TSHZ3: variants seen among roughly 807,000 people sequenced by gnomAD.
The protein encoded by TSHZ3 is teashirt zinc finger homeobox 3.
Under a neutral mutation model 64.5 loss-of-function variants are expected in TSHZ3, and 10 were observed. The observed-to-expected ratio is 0.16, with a 90% CI of 0.10 to 0.26. TSHZ3 has a LOEUF of 0.26. Ranked by LOEUF, TSHZ3 falls within the 10% of genes least tolerant of loss-of-function variation. TSHZ3 has a pLI of 1.00. For missense variants in TSHZ3, 1,242 were observed against 1,421.7 expected (o/e 0.87, Z 2.03); for synonymous variants, 608 against 593.1 (o/e 1.03, Z -0.36).
At chr19:31,187,129 AC>A (rs1974823938) in intron 5 of TSHZ3, among the ~76,000 whole-genome samples, 3 of 152,232 alleles carry the variant, frequency 2.0e-5, no homozygotes, top group Middle Eastern at 3.4e-3. Context: ...CATTTGTGTC[AC>A]CCCAAATGAC....
At chr19:31,189,581 A>G (rs1401146321) in intron 5 of TSHZ3, among the ~76,000 whole-genome samples, 1 of 151,482 alleles carries the variant, frequency 6.6e-6, no homozygotes, top group Non-Finnish European at 1.5e-5. Flanking sequence ...TCCAATTTTA[A>G]TTTCATATTG....
At chr19:31,158,041 A>C (rs1043420563) in intron 5 of TSHZ3, among the ~76,000 whole-genome samples, 3 of 152,198 alleles carry the variant, frequency 2.0e-5, no homozygotes, top group African/African-American at 7.2e-5. Context: ...TAGACAAATA[A>C]ATAATTGGGA....
At chr19:31,168,354 G>C (rs79224630) in intron 5 of TSHZ3, among the ~76,000 whole-genome samples, 1 of 152,250 alleles carries the variant, frequency 6.6e-6, no homozygotes, top group East Asian at 1.9e-4. Flanking sequence ...GGCACACAGA[G>C]CACTGCATTA....
intron 1 of TSHZ3, among the ~76,000 whole-genome samples, chr19:31,298,450 G>A (rs1023503491): frequency 2.6e-5 from 4 of 151,614 alleles, no homozygotes; most frequent in African/African-American, 9.8e-5. Flanking sequence ...CCGACTTCAT[G>A]CTTGTTCTTT....
rs951800489 is a variant in TSHZ3, at chr19:31,336,284, AT to A, written c.40+12895del. Among the ~76,000 whole-genome samples, 17 of 152,030 alleles carry A rather than the reference AT, an allele frequency of 1.1e-4. No individual in the cohort carries two copies. In the East Asian group the frequency reaches 1.6e-3, roughly 14 times the overall value. On this transcript the variant is annotated intron_variant, in intron 1 of 1. Coordinates refer to ENST00000240587, the MANE Select transcript of TSHZ3 (RefSeq NM_020856.4). Reference sequence around the variant, plus strand: ...AGAACGAACTTCCTGAACTATGACAATTTTTTTTGAGGCTGAAAGGGGCACC... The same window carrying A: ...AGAACGAACTTCCTGAACTATGACAATTTTTTTGAGGCTGAAAGGGGCACC...
At chr19:31,302,424 T>G (rs909014363) in intron 1 of TSHZ3, among the ~76,000 whole-genome samples, 1 of 152,204 alleles carries the variant, frequency 6.6e-6, no homozygotes, top group African/African-American at 2.4e-5. Context: ...TACTCACACC[T>G]GTTCATAAGT....
At chr19:31,227,772 C>T (rs370821411) in intron 4 of TSHZ3, among the ~76,000 whole-genome samples, 2 of 152,200 alleles carry the variant, frequency 1.3e-5, no homozygotes, top group East Asian at 1.9e-4. Flanking sequence ...AACTCAGCTC[C>T]AGGCAGTCCT....
intron 3 of TSHZ3, among the ~76,000 whole-genome samples, chr19:31,235,092 A>C (rs1350733142): frequency 1.3e-5 from 2 of 152,228 alleles, no homozygotes; most frequent in Non-Finnish European, 2.9e-5. Flanking sequence ...TATTTAAAGT[A>C]TACAATGTGA....
At chr19:31,236,888 C>A (rs1466457866) in intron 3 of TSHZ3, among the ~76,000 whole-genome samples, 2 of 152,218 alleles carry the variant, frequency 1.3e-5, no homozygotes, top group Non-Finnish European at 2.9e-5. Flanking sequence ...GTGGCTCAGG[C>A]CTGTAATCCC....
chr19:31,175,866 T>C (rs1974599761), intron 5 of TSHZ3, among the ~76,000 whole-genome samples: 1 of 152,344 alleles, frequency 6.6e-6, no homozygotes, highest in South Asian at 2.1e-4. Context: ...AGCCTTTACT[T>C]AGCCCCGCAT....
At chr19:31,296,807 T>A (rs918965527) in intron 1 of TSHZ3, among the ~76,000 whole-genome samples, 2 of 152,160 alleles carry the variant, frequency 1.3e-5, no homozygotes, top group African/African-American at 4.8e-5. Flanking sequence ...GTTCTGGCAC[T>A]GGGGGTCAGT....
At chr19:31,265,139 G>A (rs148409755) in intron 1 of TSHZ3, among the ~76,000 whole-genome samples, 1 of 152,148 alleles carries the variant, frequency 6.6e-6, no homozygotes, top group East Asian at 1.9e-4. Context: ...GATCATGCCT[G>A]TAATCCTAGC....
chr19:31,164,097 C>T (rs943030114), intron 5 of TSHZ3, among the ~76,000 whole-genome samples: 5 of 152,078 alleles, frequency 3.3e-5, no homozygotes, highest in African/African-American at 4.8e-5. Flanking sequence ...CCCTTGACCC[C>T]GACACCTTTT....
chr19:31,227,956 C>T (rs1015905604), intron 4 of TSHZ3, among the ~76,000 whole-genome samples: 1 of 152,064 alleles, frequency 6.6e-6, no homozygotes, highest in African/African-American at 2.4e-5. Context: ...CTGGTTCCTT[C>T]CCTCCATCCA....
chr19:31,192,106 A>G (rs1442120041), intron 5 of TSHZ3, among the ~76,000 whole-genome samples: 1 of 152,206 alleles, frequency 6.6e-6, no homozygotes, highest in African/African-American at 2.4e-5. Context: ...AGAATACATA[A>G]TATAATTCCT....
intron 1 of TSHZ3, among the ~76,000 whole-genome samples, chr19:31,341,682 C>T (rs991598579): frequency 1.3e-5 from 2 of 151,488 alleles, no homozygotes; most frequent in African/African-American, 4.9e-5. Context: ...GCACTTCCCA[C>T]AGTCCCACAC....
intron 1 of TSHZ3, chr19:31,308,686 C>T: frequency 5.0e-6 from 2 of 398,648 alleles, no homozygotes; most frequent in East Asian, 3.6e-5. Context: ...GTGCTGAGAA[C>T]CTCCACCCAA....
intron 1 of TSHZ3, among the ~76,000 whole-genome samples, chr19:31,309,688 A>C (rs906330741): frequency 6.6e-6 from 1 of 152,214 alleles, no homozygotes; most frequent in Non-Finnish European, 1.5e-5. Flanking sequence ...AAAGCATTAA[A>C]TAATGTGGCG....
At chr19:31,185,148 G>C (rs1291561122) in intron 5 of TSHZ3, among the ~76,000 whole-genome samples, 1 of 151,252 alleles carries the variant, frequency 6.6e-6, no homozygotes, top group Non-Finnish European at 1.5e-5. Flanking sequence ...AGCGAGGAAA[G>C]CTCCAGCTCT....
Sources: gnomAD v4.1 joint callset for allele counts (sites outside exome capture counted in the v4.1 genomes callset) on GRCh38, gnomAD v4.1.1 for gene constraint, MANE v1.5 for transcripts, NCBI Gene and HGNC (gene_info 2026-07-23, HGNC 2026-07-21) for gene names.